Variants in RYR3 observed in about 807,000 individuals in gnomAD.
RYR3 encodes the protein ryanodine receptor 3.
Under a neutral mutation model 584.3 loss-of-function variants are expected in RYR3, and 207 were observed. The observed-to-expected ratio is 0.35, with a 90% CI of 0.32 to 0.40. The LOEUF (loss-of-function observed/expected upper bound fraction) is 0.40. RYR3 is among the 10% of genes least tolerant of loss of function. The pLI, the probability that RYR3 is intolerant of heterozygous loss-of-function variation, is 1.00. For missense variants in RYR3, 5,616 were observed against 6,089.2 expected (o/e 0.92, Z 2.59); for synonymous variants, 2,416 against 2,248.5 (o/e 1.07, Z -2.11).
chr15:33,821,620 CG>C lies in RYR3; in HGVS notation c.10995+20del, dbSNP rs1567243842. On this transcript the variant is annotated intron_variant, in intron 80 of 103. Coordinates refer to ENST00000634891, the MANE Select transcript of RYR3 (RefSeq NM_001036.6). ...TGCAACAGGTAACGGGAACTTGCAG[CG>C]GCTGGGCAGGCTCCCGGGGTATTCC... 6.2e-7 allele frequency: 1 copy of C among 1,611,638 alleles called. No homozygotes were observed.
At chr15:33,389,042 A>C (rs2141263211) in intron 1 of RYR3, among the ~76,000 whole-genome samples, 1 of 135,428 alleles carries the variant, frequency 7.4e-6, no homozygotes, top group South Asian at 2.4e-4. Flanking sequence ...ACACATGGAC[A>C]CAGGAAGGGG....
chr15:33,810,622 C>A lies in RYR3; in HGVS notation c.10170C>A (p.Ile3390=). ...NMCTPGDQEL[I]SLAKSRYSHR... ...GTACTCCAGGCGACCAGGAGCTGATCTCCCTCGCAAAATCGCGATACAGCC... is the reference window on the plus strand; with the variant it reads ...GTACTCCAGGCGACCAGGAGCTGATATCCCTCGCAAAATCGCGATACAGCC... The change falls in exon 71 of 104, where the codon ATC becomes ATA. Residue 3390 remains isoleucine (I), a synonymous_variant. Transcript: ENST00000634891. 2 of 1,614,040 alleles carry A rather than the reference C, an allele frequency of 1.2e-6. No individual in the cohort carries two copies. Among genetic ancestry groups the A allele is most frequent in the Non-Finnish European group, 1.7e-6 (2 of 1,179,880 alleles).
chr15:33,801,958 A>G lies in RYR3; in HGVS notation c.10008A>G (p.Ser3336=). ...FLTGDSKSKM[S]KAMQVKSGGQ... ...CTGGAGACAGCAAAAGCAAGATGTC[A>G]AAAGTAAGTCCTTAGAAATCAATTC... Residue 3336 remains serine (S), a synonymous_variant, in exon 69 of 104, where the codon TCA becomes TCG. Coordinates refer to ENST00000634891, the MANE Select transcript of RYR3 (RefSeq NM_001036.6). The G allele has an allele frequency of 6.4e-7, 1 of 1,564,284 alleles. No homozygotes were observed. Among genetic ancestry groups the G allele is most frequent in the Non-Finnish European group, 8.8e-7 (1 of 1,137,680 alleles).
chr15:33,327,122 A>G (rs1969813582), intron 1 of RYR3, among the ~76,000 whole-genome samples: 2 of 152,232 alleles, frequency 1.3e-5, no homozygotes, highest in African/African-American at 4.8e-5. Context: ...TTATACAGCT[A>G]TAGAAGATGA....
chr15:33,744,944 C>A (rs1283064799), intron 52 of RYR3, among the ~76,000 whole-genome samples: 1 of 152,030 alleles, frequency 6.6e-6, no homozygotes, highest in Admixed American at 6.6e-5. Flanking sequence ...TTTGACTATC[C>A]CCTGACAATA....
chr15:33,327,852 A>G (rs1212630238), intron 1 of RYR3, among the ~76,000 whole-genome samples: 1 of 152,250 alleles, frequency 6.6e-6, no homozygotes, highest in South Asian at 2.1e-4. Context: ...GGTCTCATTG[A>G]TTAGACTAGA....
At chr15:33,370,879 A>G (rs1229755410) in intron 1 of RYR3, among the ~76,000 whole-genome samples, 1 of 152,200 alleles carries the variant, frequency 6.6e-6, no homozygotes, top group Non-Finnish European at 1.5e-5. Context: ...GTGCTTCGCC[A>G]TACTGTCTAC....
chr15:33,485,489 A>G (rs2572176), intron 2 of RYR3, among the ~76,000 whole-genome samples: 151,879 of 152,302 alleles, frequency 1, 75,730 homozygotes, highest in Middle Eastern at 1. Flanking sequence ...TTGCCGATAC[A>G]GTGGAAAGGC....
Position 33,738,600 on chromosome 15 carries a change from G to A in RYR3, c.7656+10G>A, listed in dbSNP as rs756694437. 3 of 1,613,666 alleles carry A rather than the reference G, an allele frequency of 1.9e-6. No individual in the cohort carries two copies. The Admixed American group carries it at 5.0e-5, about 27-fold the overall frequency. ...CTCGCTCTCCCATAAGGTAATGACAGTACTTTCTGAACAAAAAGAGAGCAT... is the reference window on the plus strand; with the variant it reads ...CTCGCTCTCCCATAAGGTAATGACAATACTTTCTGAACAAAAAGAGAGCAT... On this transcript the variant is annotated intron_variant, in intron 50 of 103. Transcript: ENST00000634891.
At chr15:33,436,667 A>AT (rs34244710) in intron 1 of RYR3, among the ~76,000 whole-genome samples, 192 of 149,192 alleles carry the variant, frequency 1.3e-3, no homozygotes, top group African/African-American at 3.8e-3. Context: ...CGCCAGGCTA[A>AT]TTTTTTTTTT....
chr15:33,723,772 A>C (rs1446266838), intron 44 of RYR3, among the ~76,000 whole-genome samples: 1 of 152,294 alleles, frequency 6.6e-6, no homozygotes, highest in African/African-American at 2.4e-5. Flanking sequence ...CCCCTCACAG[A>C]GAGGAAAAGG....
At chr15:33,685,343 CAAAG>C (rs2064916591) in intron 38 of RYR3, among the ~76,000 whole-genome samples, 1 of 152,068 alleles carries the variant, frequency 6.6e-6, no homozygotes, top group Non-Finnish European at 1.5e-5. Flanking sequence ...TCAAAAGAGA[CAAAG>C]AAGGCCAATA....
At chr15:33,590,201 G>T (rs907096833) in intron 16 of RYR3, among the ~76,000 whole-genome samples, 6 of 152,136 alleles carry the variant, frequency 3.9e-5, no homozygotes, top group African/African-American at 1.4e-4. Flanking sequence ...ATGGTGGAAT[G>T]TCATCGGTTA....
At chr15:33,771,634 G>A (rs2073582628) in intron 62 of RYR3, among the ~76,000 whole-genome samples, 1 of 152,192 alleles carries the variant, frequency 6.6e-6, no homozygotes, top group Non-Finnish European at 1.5e-5. Context: ...GCAACTTACT[G>A]TAGATAATAG....
Position 33,741,927 on chromosome 15 carries a change from ATT to A in RYR3, c.7821-436_7821-435del, listed in dbSNP as rs372368763. ...CAGCGCCCGGCCCCAAAATTCGAGTATTTTACCATGAGCCACTGAGCCCCAAA... is the reference window on the plus strand; with the variant it reads ...CAGCGCCCGGCCCCAAAATTCGAGTATTACCATGAGCCACTGAGCCCCAAA... On this transcript the variant is annotated intron_variant, in intron 51 of 103. Coordinates refer to ENST00000634891, the MANE Select transcript of RYR3 (RefSeq NM_001036.6). Among the ~76,000 whole-genome samples the A allele has an allele frequency of 6.1e-3, 932 of 152,220 alleles. 16 individuals are homozygous for A. Among genetic ancestry groups the A allele is most frequent in the African/African-American group, 0.02 (846 of 41,554 alleles).
chr15:33,688,292 G>A (rs1401101780), intron 38 of RYR3, among the ~76,000 whole-genome samples: 1 of 151,978 alleles, frequency 6.6e-6, no homozygotes, highest in Non-Finnish European at 1.5e-5. Context: ...ATTTATGGGG[G>A]GCTGGGCACG....
intron 20 of RYR3, among the ~76,000 whole-genome samples, chr15:33,625,499 A>G (rs560658233): frequency 7.4e-4 from 112 of 152,244 alleles, no homozygotes; most frequent in African/African-American, 2.5e-3. Flanking sequence ...TCTAGATGTC[A>G]GGGAGGAAAA....
chr15:33,550,738 C>CA lies in RYR3; in HGVS notation c.972+430dup, dbSNP rs5811770. On this transcript the variant is annotated intron_variant, in intron 10 of 103. Coordinates refer to ENST00000634891, the MANE Select transcript of RYR3 (RefSeq NM_001036.6). ...TTAAATAAAAAGGTAATTTGTTAAA[C>CA]AAAAAAAAGATTTAAATGTAAAAAG... Among the ~76,000 whole-genome samples the CA allele has an allele frequency of 2.0e-5, 3 of 152,128 alleles. No homozygotes were observed. In the South Asian group the frequency reaches 6.2e-4, roughly 32 times the overall value.
rs115647920 is a variant in RYR3, at chr15:33,313,918, C to A, written c.51+2822C>A. On this transcript the variant is annotated intron_variant, in intron 1 of 103. Coordinates refer to ENST00000634891, the MANE Select transcript of RYR3 (RefSeq NM_001036.6). ...GTTATAATAGTGCCAAAAATGAAAGCAGCTAGAACTATTGATAGTGTGAAA... is the reference window on the plus strand; with the variant it reads ...GTTATAATAGTGCCAAAAATGAAAGAAGCTAGAACTATTGATAGTGTGAAA... 7.5e-3 allele frequency among the ~76,000 whole-genome samples: 1,145 copies of A among 152,302 alleles called. 12 individuals are homozygous for A. Among genetic ancestry groups the A allele is most frequent in the African/African-American group, 0.027 (1,109 of 41,560 alleles).
Sources: gnomAD v4.1 joint callset for allele counts (sites outside exome capture counted in the v4.1 genomes callset) on GRCh38, gnomAD v4.1.1 for gene constraint, MANE v1.5 for transcripts, NCBI Gene and HGNC (gene_info 2026-07-23, HGNC 2026-07-21) for gene names.